The following VMA12 variants were observed in gnomAD, a reference collection of about 807,000 sequenced individuals.
The protein encoded by VMA12 is vacuolar ATPase assembly protein VMA12.
At chr17:28,360,890 G>T in the VMA12 span, 7 of 1,534,292 alleles carry the variant, frequency 4.6e-6, no homozygotes, top group Non-Finnish European at 5.4e-6. Context: ...TGGTGGGGGT[G>T]TTAGTGGGTA....
chr17:28,360,731 A>C, the VMA12 span: 17 of 1,613,954 alleles, frequency 1.1e-5, no homozygotes, highest in Non-Finnish European at 1.3e-5. Context: ...GCTCCTCCCC[A>C]AAGTGAGATC....
the VMA12 span, chr17:28,361,095 T>TG: frequency 1.3e-6 from 2 of 1,523,706 alleles, no homozygotes; most frequent in Non-Finnish European, 9.1e-7. Context: ...TCATTAAAGT[T>TG]GCTGGGGTAC....
chr17:28,361,234 C>G, the VMA12 span: 7 of 1,614,050 alleles, frequency 4.3e-6, no homozygotes, highest in Middle Eastern at 8.3e-4. Flanking sequence ...CAATGGAAGG[C>G]GAGCTGGGAG....
chr17:28,361,650 C>T, the VMA12 span: 1 of 169,900 alleles, frequency 5.9e-6, no homozygotes, highest in African/African-American at 2.4e-5. Context: ...TGATCACCAG[C>T]TTTCTCCATA....
the VMA12 span, chr17:28,357,678 C>T: frequency 2.5e-6 from 4 of 1,612,332 alleles, no homozygotes; most frequent in East Asian, 2.2e-5. Context: ...GATATGGCGT[C>T]CTCTTTGCTT....
chr17:28,361,067 T>C, the VMA12 span: 7 of 1,283,612 alleles, frequency 5.5e-6, no homozygotes, highest in Admixed American at 1.8e-5. Flanking sequence ...TAGAGGGTGG[T>C]TGGGGGGCTC....
chr17:28,358,300 T>C, the VMA12 span: 1 of 424,134 alleles, frequency 2.4e-6, no homozygotes, highest in South Asian at 1.7e-5. Flanking sequence ...TGTTTGTTTG[T>C]TTTTTTAATA....
At chr17:28,360,405 A>G in the VMA12 span, 1 of 911,910 alleles carries the variant, frequency 1.1e-6, no homozygotes, top group African/African-American at 1.7e-5. Flanking sequence ...ATGGTTCCAG[A>G]CAAAAGAATC....
chr17:28,359,427 G>A, the VMA12 span: 663 of 1,610,864 alleles, frequency 4.1e-4, 1 homozygote, highest in African/African-American at 6.5e-3. Flanking sequence ...TCTTCAGTAC[G>A]TGGTCTAGGT....
the VMA12 span, chr17:28,361,211 G>A: frequency 1.3e-5 from 21 of 1,614,160 alleles, no homozygotes; most frequent in African/African-American, 4.0e-5. Flanking sequence ...CGAGCTGTAT[G>A]TCATGGTGCG....
At chr17:28,357,679 C>T in the VMA12 span, 3 of 1,612,406 alleles carry the variant, frequency 1.9e-6, no homozygotes, top group Admixed American at 1.7e-5. Flanking sequence ...ATATGGCGTC[C>T]TCTTTGCTTG....
chr17:28,358,370 C>G, the VMA12 span: 1 of 472,138 alleles, frequency 2.1e-6, no homozygotes, highest in Non-Finnish European at 4.4e-6. Flanking sequence ...AGTTCCAGTC[C>G]TAGCTCTGTC....
the VMA12 span, chr17:28,360,373 T>C: frequency 4.9e-5 from 33 of 672,040 alleles, no homozygotes; most frequent in Non-Finnish European, 7.9e-5. Flanking sequence ...ATGCCTGCTC[T>C]GTAGTCCAGA....
chr17:28,360,592 G>A, the VMA12 span: 8 of 1,614,098 alleles, frequency 5.0e-6, no homozygotes, highest in Non-Finnish European at 8.5e-7. Context: ...AGGAGATCAG[G>A]CTTCTAAAAC....
chr17:28,359,241 T>A, the VMA12 span: 8 of 1,515,506 alleles, frequency 5.3e-6, no homozygotes, highest in Non-Finnish European at 7.3e-6. Flanking sequence ...GCTTTACCCC[T>A]GGAACCAATG....
the VMA12 span, chr17:28,359,522 A>G: frequency 1.1e-6 from 1 of 888,084 alleles, no homozygotes; most frequent in South Asian, 1.6e-5. Flanking sequence ...CTGTTCAGGG[A>G]CCATAGGAAG....
the VMA12 span, chr17:28,357,886 G>A: frequency 1.2e-6 from 2 of 1,613,708 alleles, no homozygotes; most frequent in Non-Finnish European, 1.7e-6. Context: ...AAAGGGGTGA[G>A]CCCCAGTCTC....
the VMA12 span, chr17:28,359,547 A>G: frequency 3.0e-6 from 2 of 672,744 alleles, no homozygotes; most frequent in African/African-American, 1.8e-5. Flanking sequence ...CATACAAACA[A>G]CACAGTTCCC....
At chr17:28,360,351 CCTCT>C in the VMA12 span, 2 of 593,422 alleles carry the variant, frequency 3.4e-6, no homozygotes, top group African/African-American at 3.7e-5. Flanking sequence ...CAGCCTATGT[CCTCT>C]CTCCGAAATG....
Sources: gnomAD v4.1 joint callset for allele counts on GRCh38, gnomAD v4.1.1 for gene constraint, MANE v1.5 for transcripts, NCBI Gene and HGNC (gene_info 2026-07-23, HGNC 2026-07-21) for gene names.